AKAP13: variants seen among roughly 807,000 people sequenced by gnomAD.
AKAP13 encodes A-kinase anchor protein 13.
In AKAP13, 80 loss-of-function variants were observed where a neutral mutation model predicts 264.5. That is an observed-to-expected ratio of 0.30 (90% CI 0.25 to 0.36). AKAP13 has a LOEUF of 0.36. Among genes scored for constraint, AKAP13 ranks in the 10% least tolerant of loss-of-function variants. The pLI is 1.00. For synonymous variants in AKAP13, 1,380 were observed against 1,250.2 expected, an observed-to-expected ratio of 1.10 and a Z score of -2.19; for missense variants, 3,712 against 3,435.2, an observed-to-expected ratio of 1.08 and a Z score of -2.01.
At chr15:85,585,929 G>C in intron 8 of AKAP13, 106 bp downstream of exon 8, 1 of 1,422,228 alleles carries the variant, frequency 7.0e-7, no homozygotes, top group Non-Finnish European at 9.6e-7. Context: ...GGGCAAAATA[G>C]TATTTTCCCC....
intron 6 of AKAP13, among the ~76,000 whole-genome samples, 158 bp from the exon 7 acceptor site, chr15:85,578,772 G>C (rs748931711): frequency 1.3e-5 from 2 of 151,300 alleles, no homozygotes; most frequent in African/African-American, 2.4e-5. Context: ...TCAGAAATAA[G>C]AGGAAATTTA....
chr15:85,720,582 G>T (rs2151725403), intron 23 of AKAP13, among the ~76,000 whole-genome samples: 1 of 152,230 alleles, frequency 6.6e-6, no homozygotes, highest in South Asian at 2.1e-4. Context: ...AGGCAGAGGG[G>T]TATATAACAT....
chr15:85,483,583 G>A (rs866673059), intron 1 of AKAP13, among the ~76,000 whole-genome samples: 20 of 141,946 alleles, frequency 1.4e-4, no homozygotes, highest in African/African-American at 1.1e-4. Context: ...CCGAGATTGC[G>A]CCACTGCAGT....
chr15:85,718,773 A>G lies in AKAP13; in HGVS notation c.6002-303A>G. On this transcript the variant is annotated intron_variant, in intron 22 of 36. Coordinates refer to ENST00000394518, the MANE Select transcript of AKAP13 (RefSeq NM_007200.5). This position sits in a 1 kb window ranked among gnomAD's most constrained non-coding sequence, Gnocchi z 4.9. Reference sequence around the variant, plus strand: ...AAATCAGCCAGGCGTGATGGCATGTACCTGCAGCCCCAGCTGCTCGAGAGG... The same window carrying G: ...AAATCAGCCAGGCGTGATGGCATGTGCCTGCAGCCCCAGCTGCTCGAGAGG... 3.0e-6 allele frequency: 1 copy of G among 337,772 alleles called. No individual in the cohort carries two copies. Among genetic ancestry groups the G allele is most frequent in the Non-Finnish European group, 5.6e-6 (1 of 178,452 alleles). The allele number at this position is 337,772 out of a possible 1,614,324, so 20.9% of individuals were successfully genotyped here. A position where few individuals can be genotyped will look rare whatever the true frequency, so the allele number is the denominator to read the frequency against.
intron 8 of AKAP13, among the ~76,000 whole-genome samples, chr15:85,622,079 T>G (rs2081217327): frequency 6.6e-6 from 1 of 152,178 alleles, no homozygotes; most frequent in Non-Finnish European, 1.5e-5. Context: ...CTTTGAGAAC[T>G]ATAAACTCAA....
At chr15:85,393,063 C>A (rs1435732427) in intron 1 of AKAP13, among the ~76,000 whole-genome samples, 1 of 152,144 alleles carries the variant, frequency 6.6e-6, no homozygotes, top group Admixed American at 6.5e-5. Context: ...AATCTATCAT[C>A]CTTGTCTTGG....
chr15:85,458,244 G>C (rs932791661), intron 1 of AKAP13, among the ~76,000 whole-genome samples: 4 of 151,816 alleles, frequency 2.6e-5, no homozygotes, highest in African/African-American at 9.7e-5. Flanking sequence ...CGGAAATTCT[G>C]AAATATGTAG....
chr15:85,381,521 C>CTTTTTTTTTTTTTTT (rs1168869870), intron 1 of AKAP13, among the ~76,000 whole-genome samples: 3 of 64,290 alleles, frequency 4.7e-5, no homozygotes, highest in Non-Finnish European at 7.9e-5. Context: ...CGGTTTACTG[C>CTTTTTTTTTTTTTTT]TTTTTTTTTT....
intron 2 of AKAP13, among the ~76,000 whole-genome samples, chr15:85,488,125 T>A (rs547044039): frequency 2.0e-5 from 3 of 152,176 alleles, no homozygotes; most frequent in Non-Finnish European, 4.4e-5. Flanking sequence ...GCTCAAGTGA[T>A]CCTTCCACCT....
chr15:85,729,352 T>C (rs1190438688), intron 29 of AKAP13, among the ~76,000 whole-genome samples: 1 of 151,614 alleles, frequency 6.6e-6, no homozygotes, highest in East Asian at 1.9e-4. Flanking sequence ...TAGGACAGAG[T>C]AAGGAGACAG....
intron 1 of AKAP13, among the ~76,000 whole-genome samples, chr15:85,432,254 A>G (rs1341828159): frequency 6.6e-6 from 1 of 152,182 alleles, no homozygotes; most frequent in Non-Finnish European, 1.5e-5. Context: ...CTTCTATAAA[A>G]ATGTATTTTT....
Position 85,743,669 on chromosome 15 carries a change from A to T in AKAP13, c.8236A>T (p.Ile2746Leu). 6.2e-7 allele frequency: 1 copy of T among 1,614,178 alleles called. No individual in the cohort carries two copies. Among genetic ancestry groups the T allele is most frequent in the Non-Finnish European group, 8.5e-7 (1 of 1,180,028 alleles). ...ACACAAAGATAAGGGGCCTTTTCAC[A>T]TACTGAGTTCAACCAGCCAGACAAA... The part of the protein sequence containing the change: ...RTHKDKGPFH[I>L]LSSTSQTNKG... The change falls in exon 36 of 37, where the codon ATA becomes TTA. Residue 2746 changes from isoleucine to leucine, a missense_variant. Ile to Leu is a conservative substitution (Grantham distance 5). This residue lies in a region of AKAP13 where 611 missense variants were observed against 539.3 expected (regional missense o/e 1.13). Coordinates refer to ENST00000394518, the MANE Select transcript of AKAP13 (RefSeq NM_007200.5).
At chr15:85,609,870 A>G (rs551182996) in intron 8 of AKAP13, among the ~76,000 whole-genome samples, 1 of 152,312 alleles carries the variant, frequency 6.6e-6, no homozygotes, top group South Asian at 2.1e-4. Context: ...ATTTTAAAAC[A>G]GCATCTTTTC....
chr15:85,465,880 G>A (rs892469646), intron 1 of AKAP13, among the ~76,000 whole-genome samples: 3 of 148,450 alleles, frequency 2.0e-5, no homozygotes, highest in South Asian at 4.4e-4. Flanking sequence ...TAATGGGATG[G>A]CTGGGTCAAA....
chr15:85,524,034 G>C (rs1237422263), intron 3 of AKAP13, among the ~76,000 whole-genome samples: 1 of 152,214 alleles, frequency 6.6e-6, no homozygotes, highest in Non-Finnish European at 1.5e-5. Flanking sequence ...CCAGTTCCTG[G>C]ATAAATGTGC....
intron 14 of AKAP13, among the ~76,000 whole-genome samples, chr15:85,679,969 A>AT (rs1442774250): frequency 6.6e-6 from 1 of 152,246 alleles, no homozygotes; most frequent in Non-Finnish European, 1.5e-5. Flanking sequence ...AAAGGTCATC[A>AT]TAACTTAACT....
intron 1 of AKAP13, among the ~76,000 whole-genome samples, chr15:85,427,905 C>T (rs1013600749): frequency 2.6e-5 from 4 of 152,184 alleles, no homozygotes; most frequent in Non-Finnish European, 4.4e-5. Flanking sequence ...AAGGCAACAA[C>T]AGCAGAATAT....
At chr15:85,463,186 A>C (rs1190365784) in intron 1 of AKAP13, among the ~76,000 whole-genome samples, 1 of 152,160 alleles carries the variant, frequency 6.6e-6, no homozygotes, top group Non-Finnish European at 1.5e-5. Context: ...AACCTGGAAA[A>C]TGTGGGACAG....
At chr15:85,662,945 A>G (rs2083428091) in intron 12 of AKAP13, among the ~76,000 whole-genome samples, 1 of 152,188 alleles carries the variant, frequency 6.6e-6, no homozygotes, top group South Asian at 2.1e-4. Flanking sequence ...GTAAGCATAG[A>G]TCTGGTTTTC....
Sources: gnomAD v4.1 joint callset for allele counts (sites outside exome capture counted in the v4.1 genomes callset) on GRCh38, gnomAD v4.1.1 for gene constraint, gnomAD v4.1.1 regional missense constraint, Gnocchi (gnomAD v3.1) non-coding constraint, MANE v1.5 for transcripts, NCBI Gene and HGNC (gene_info 2026-07-23, HGNC 2026-07-21) for gene names.